Variants in RABEP1 observed in about 807,000 individuals in gnomAD.
RABEP1 encodes rab GTPase-binding effector protein 1.
In RABEP1, 51 loss-of-function variants were observed where a neutral mutation model predicts 123.4. That is an observed-to-expected ratio of 0.41 (90% CI 0.33 to 0.52). The LOEUF is 0.52. Among genes scored for constraint, RABEP1 ranks in the 20% least tolerant of loss-of-function variants. RABEP1 has a pLI of 0.16. For missense variants in RABEP1, 888 were observed against 996.3 expected (o/e 0.89, Z 1.46); for synonymous variants, 347 against 355.2 (o/e 0.98, Z 0.26).
rs1347004885 is a variant in RABEP1 at position 5,384,372 on chromosome 17, A to G, written c.*1149A>G. 4.7e-6 allele frequency: 1 copy of G among 212,784 alleles called. No individual in the cohort carries two copies. The highest frequency in any genetic ancestry group is 2.3e-5 in the African/African-American group (1 of 44,242). The allele number at this position is 212,784 out of a possible 1,614,324, so 13.2% of individuals were successfully genotyped here. On this transcript the variant is annotated 3_prime_UTR_variant, in exon 18 of 18. Transcript: ENST00000537505. Reference sequence around the variant, plus strand: ...CACAAAGAATTGATTCATGTTCATCAATACCTGCTGAGAGTACTGTCCCAG... The same window carrying G: ...CACAAAGAATTGATTCATGTTCATCGATACCTGCTGAGAGTACTGTCCCAG...
Position 5,361,593 on chromosome 17 carries a change from C to T in RABEP1, c.1481C>T (p.Thr494Ile). 6.2e-7 allele frequency: 1 copy of T among 1,614,192 alleles called. No individual in the cohort carries two copies. The highest frequency in any genetic ancestry group is 8.5e-7 in the Non-Finnish European group (1 of 1,180,020). The change falls in exon 9 of 18, where the codon ACC (threonine) becomes ATC (isoleucine). Residue 494 changes from threonine (T) to isoleucine (I), a missense_variant. By Grantham distance (89) the Thr-to-Ile change is moderately conservative (BLOSUM62 -1). Coordinates refer to ENST00000537505, the MANE Select transcript of RABEP1 (RefSeq NM_004703.6). Reference protein sequence around the residue: ...EETASLLSSVTQGMESAYVSP... With the variant: ...EETASLLSSVIQGMESAYVSP... Reference sequence around the variant, plus strand: ...ACAGCGTCCCTCCTCTCCAGCGTTACCCAGGGCATGGAGAGTGCCTATGTG... The same window carrying T: ...ACAGCGTCCCTCCTCTCCAGCGTTATCCAGGGCATGGAGAGTGCCTATGTG...
At chr17:5,367,085 G>A (rs574554463) in intron 11 of RABEP1, among the ~76,000 whole-genome samples, 106 of 142,188 alleles carry the variant, frequency 7.5e-4, no homozygotes, top group Non-Finnish European at 1.0e-3. Context: ...GTGAAACTCC[G>A]TCTGAAAGAA....
intron 2 of RABEP1, among the ~76,000 whole-genome samples, chr17:5,314,720 G>A (rs1263531064): frequency 1.3e-5 from 2 of 152,024 alleles, no homozygotes; most frequent in Admixed American, 6.6e-5. Flanking sequence ...GGGTTTCACC[G>A]TGTTAGCCAT....
At chr17:5,327,572 G>A (rs56125028) in intron 2 of RABEP1, among the ~76,000 whole-genome samples, 20,795 of 152,038 alleles carry the variant, frequency 0.14, 1,481 homozygotes, top group East Asian at 0.18. Flanking sequence ...TTGTCTCACA[G>A]TATATATGGA....
chr17:5,284,206 A>G (rs2074955725), intron 1 of RABEP1: 1 of 152,216 alleles, frequency 6.6e-6, no homozygotes, highest in Non-Finnish European at 1.5e-5. Context: ...CCTTGTAAAT[A>G]GGCAGAAGTG....
chr17:5,342,371 C>T (rs1487771591), intron 5 of RABEP1, among the ~76,000 whole-genome samples: 2 of 152,194 alleles, frequency 1.3e-5, no homozygotes, highest in Non-Finnish European at 2.9e-5. Flanking sequence ...GGTGCAGTGG[C>T]TCACGTCTGT....
chr17:5,377,520 ATT>A (rs960634048), intron 14 of RABEP1, among the ~76,000 whole-genome samples: 16 of 99,794 alleles, frequency 1.6e-4, no homozygotes, highest in Admixed American at 4.7e-4. Context: ...TATTTAAAAA[ATT>A]TTTTTTTTTT....
intron 1 of RABEP1, among the ~76,000 whole-genome samples, chr17:5,301,602 A>G (rs185557351): frequency 3.3e-5 from 5 of 152,250 alleles, no homozygotes; most frequent in South Asian, 2.1e-4. Context: ...GAACTAAGCA[A>G]TGTGCTTAGT....
At chr17:5,380,929 A>G (rs1221103475) in intron 16 of RABEP1, among the ~76,000 whole-genome samples, 1 of 152,186 alleles carries the variant, frequency 6.6e-6, no homozygotes, top group Non-Finnish European at 1.5e-5. Flanking sequence ...GTGTTGCTGA[A>G]CTGCTTGTTT....
intron 1 of RABEP1, among the ~76,000 whole-genome samples, chr17:5,307,313 G>T (rs536479151): frequency 3.9e-5 from 6 of 152,194 alleles, no homozygotes; most frequent in African/African-American, 1.2e-4. Flanking sequence ...GGGAGACTCC[G>T]TCTCAAAAGC....
chr17:5,298,148 A>G (rs2075100392), intron 1 of RABEP1, among the ~76,000 whole-genome samples: 1 of 152,240 alleles, frequency 6.6e-6, no homozygotes, highest in South Asian at 2.1e-4. Context: ...TAAATAAAAT[A>G]TAACCCTGTG....
intron 1 of RABEP1, among the ~76,000 whole-genome samples, chr17:5,303,149 C>G (rs1005331038): frequency 6.6e-6 from 1 of 151,986 alleles, no homozygotes; most frequent in African/African-American, 2.4e-5. Flanking sequence ...AATGTATTTA[C>G]TTAATATAAC....
At chr17:5,380,836 T>C (rs921075288) in intron 16 of RABEP1, among the ~76,000 whole-genome samples, 3 of 152,234 alleles carry the variant, frequency 2.0e-5, no homozygotes, top group African/African-American at 7.2e-5. Context: ...ATGAGTTCCG[T>C]TAGAATAAAC....
At chr17:5,312,503 A>G (rs1389432288) in intron 2 of RABEP1, among the ~76,000 whole-genome samples, 2 of 152,190 alleles carry the variant, frequency 1.3e-5, no homozygotes, top group African/African-American at 2.4e-5. Context: ...AAAATACTAT[A>G]TGATGGAAGG....
At chr17:5,287,507 G>A (rs553171277) in intron 1 of RABEP1, among the ~76,000 whole-genome samples, 6 of 149,340 alleles carry the variant, frequency 4.0e-5, no homozygotes, top group Non-Finnish European at 8.9e-5. Context: ...GCTGAGGCAG[G>A]AGAATTGCTT....
intron 2 of RABEP1, among the ~76,000 whole-genome samples, chr17:5,309,819 T>C (rs1162525110): frequency 1.3e-5 from 2 of 152,130 alleles, no homozygotes; most frequent in Non-Finnish European, 2.9e-5. Context: ...ATTCTCAAAG[T>C]GTGATTGTGG....
At chr17:5,354,139 TTTC>T (rs761821439) in intron 7 of RABEP1, among the ~76,000 whole-genome samples, 3 of 152,336 alleles carry the variant, frequency 2.0e-5, no homozygotes, top group Admixed American at 6.5e-5. Flanking sequence ...TGCTTCCTGA[TTTC>T]TTCTTTATAC....
chr17:5,326,930 T>C (rs551684713), intron 2 of RABEP1, among the ~76,000 whole-genome samples: 12 of 152,386 alleles, frequency 7.9e-5, no homozygotes, highest in Non-Finnish European at 1.6e-4. Context: ...CTAGATGTTA[T>C]ATAGCCTACT....
rs536745729 is a variant in RABEP1 at position 5,328,814 on chromosome 17, A to G, written c.164-3135A>G. On this transcript the variant is annotated intron_variant, in intron 2 of 17. Transcript: ENST00000537505. The stretch of plus-strand genomic sequence containing the variant: ...AAAACTACAAAAATTCGCCAGGCGC[A>G]GTGGCAGGCGCCTGTAATCTCAGCT... Among the ~76,000 whole-genome samples the G allele has an allele frequency of 6.6e-5, 10 of 151,726 alleles. No homozygotes were observed. The East Asian group carries it at 1.9e-3, about 29-fold the overall frequency.
Sources: gnomAD v4.1 joint callset for allele counts (sites outside exome capture counted in the v4.1 genomes callset) on GRCh38, gnomAD v4.1.1 for gene constraint, MANE v1.5 for transcripts, NCBI Gene and HGNC (gene_info 2026-07-23, HGNC 2026-07-21) for gene names.